FIG4: variants seen among roughly 807,000 people sequenced by gnomAD.
FIG4 encodes polyphosphoinositide phosphatase.
A neutral mutation model predicts 118.6 loss-of-function variants in FIG4; 112 were observed. The ratio of observed to expected loss-of-function variants is 0.94; its 90% CI spans 0.81 to 1.11. The LOEUF (loss-of-function observed/expected upper bound fraction) is 1.11. Ranked by LOEUF, FIG4 falls within the 50% of genes least tolerant of loss-of-function variation. FIG4 has a pLI of 0.00. For missense variants in FIG4, 969 were observed against 1,111.7 expected, an observed-to-expected ratio of 0.87 and a Z score of 1.83; for synonymous variants, 369 against 381.2, an observed-to-expected ratio of 0.97 and a Z score of 0.37.
chr6:109,789,482 T>C (rs1355869240), intron 18 of FIG4, 112 bp from the exon 19 acceptor site: 1 of 803,504 alleles, frequency 1.2e-6, no homozygotes, highest in East Asian at 2.6e-5. Flanking sequence ...ATATGTAATA[T>C]GTAACTCCTA....
At chr6:109,815,231 TG>T (rs1778827946) in intron 22 of FIG4, among the ~76,000 whole-genome samples, 1 of 151,984 alleles carries the variant, frequency 6.6e-6, no homozygotes, top group Non-Finnish European at 1.5e-5. Flanking sequence ...TTCCCAGACA[TG>T]AACGCCCTTC....
Position 109,716,562 on chromosome 6 carries a change from G to A in FIG4, c.283G>A (p.Val95Ile), listed in dbSNP as rs1309571996. Reference sequence around the variant, plus strand: ...ATTTCGAGCGGTTTCAGCTTTTGGTGTTGTGGGTAAGAAATCTGCCCCCCT... The same window carrying A: ...ATTTCGAGCGGTTTCAGCTTTTGGTATTGTGGGTAAGAAATCTGCCCCCCT... ...GLFRAVSAFG[V>I]VGFVRFLEGY... Residue 95 changes from valine to isoleucine, a missense_variant, in exon 3 of 23, where the codon GTT (valine) becomes ATT (isoleucine). By Grantham distance (29) the Val-to-Ile change is conservative (BLOSUM62 3). This residue lies in a region of FIG4 where 393 missense variants were observed against 409.4 expected (regional missense o/e 0.96). Transcript: ENST00000230124. 10 of 1,613,782 alleles carry A rather than the reference G, an allele frequency of 6.2e-6. No homozygotes were observed. The highest frequency in any genetic ancestry group is 1.1e-5 in the South Asian group (1 of 91,070).
intron 17 of FIG4, 141 bp from the exon 18 acceptor site, chr6:109,786,161 G>A: frequency 3.0e-6 from 2 of 669,036 alleles, no homozygotes. Context: ...GTAAGTGTTG[G>A]AGGCAGGAGC....
intron 10 of FIG4, among the ~76,000 whole-genome samples, chr6:109,750,074 A>G (rs1220619176): frequency 6.6e-6 from 1 of 152,212 alleles, no homozygotes; most frequent in Non-Finnish European, 1.5e-5. Context: ...CCTAGGGGAT[A>G]CTCACTCTTT....
intron 12 of FIG4, among the ~76,000 whole-genome samples, chr6:109,763,322 T>C (rs1023410452): frequency 4.6e-5 from 7 of 152,270 alleles, no homozygotes; most frequent in Non-Finnish European, 1.5e-5. Flanking sequence ...TTTCTAAGGA[T>C]AGCAGTTAGG....
intron 11 of FIG4, among the ~76,000 whole-genome samples, chr6:109,760,922 G>A (rs1008734839): frequency 3.9e-5 from 6 of 152,288 alleles, no homozygotes; most frequent in Admixed American, 2.6e-4. Flanking sequence ...TCCCTGGGAT[G>A]CTTTCCCACC....
At chr6:109,695,864 G>A (rs1414059641) in intron 1 of FIG4, among the ~76,000 whole-genome samples, 2 of 152,204 alleles carry the variant, frequency 1.3e-5, no homozygotes, top group Non-Finnish European at 2.9e-5. Flanking sequence ...GAGCCATCAA[G>A]TGGAAAGTTT....
chr6:109,822,509 T>C (rs1401939300), intron 22 of FIG4, among the ~76,000 whole-genome samples: 1 of 152,086 alleles, frequency 6.6e-6, no homozygotes, highest in Non-Finnish European at 1.5e-5. Flanking sequence ...TAGCAGCCTC[T>C]AAATCTCTAT....
chr6:109,794,324 G>A (rs1778218194), intron 21 of FIG4, among the ~76,000 whole-genome samples: 3 of 152,174 alleles, frequency 2.0e-5, no homozygotes, highest in African/African-American at 7.2e-5. Context: ...GGTACCGTGG[G>A]ATTTTAGGCT....
At position 109,786,392 on chromosome 6, in the gene FIG4, CAT is replaced by C; in HGVS notation, c.2042_2043del (p.Tyr681Ter). 2 of 1,613,966 alleles carry C rather than the reference CAT, an allele frequency of 1.2e-6. No individual in the cohort carries two copies. The highest frequency in any genetic ancestry group is 1.7e-6 in the Non-Finnish European group (2 of 1,179,874). ...GATATCCACAATGAGTTCTTTCGGC[CAT>C]ATGAGTTGAGCAGCTTTGATGATAC... On this transcript the variant is annotated frameshift_variant, in exon 18 of 23. Coordinates refer to ENST00000230124, the MANE Select transcript of FIG4 (RefSeq NM_014845.6). LOFTEE classifies it high-confidence loss of function.
At chr6:109,804,678 T>G (rs1055739903) in intron 22 of FIG4, among the ~76,000 whole-genome samples, 4 of 152,162 alleles carry the variant, frequency 2.6e-5, no homozygotes, top group Non-Finnish European at 5.9e-5. Flanking sequence ...TAGGGTCTTA[T>G]GAAGAAATTT....
At chr6:109,756,004 G>A (rs1236109781) in intron 10 of FIG4, among the ~76,000 whole-genome samples, 4 of 152,102 alleles carry the variant, frequency 2.6e-5, no homozygotes, top group Admixed American at 6.6e-5. Flanking sequence ...TATTTTGCTC[G>A]TTAGTTGATG....
intron 7 of FIG4, among the ~76,000 whole-genome samples, chr6:109,739,608 C>T (rs1464877680): frequency 6.6e-6 from 1 of 152,134 alleles, no homozygotes; most frequent in Non-Finnish European, 1.5e-5. Context: ...ACATCTTTCT[C>T]CAGATCCCCA....
chr6:109,717,971 G>T (rs1470883369), intron 3 of FIG4, among the ~76,000 whole-genome samples: 2 of 152,160 alleles, frequency 1.3e-5, no homozygotes, highest in Non-Finnish European at 2.9e-5. Context: ...TTGCTATAAA[G>T]AAATACCTGA....
Position 109,725,350 on chromosome 6 carries a change from G to A in FIG4, c.290-1759G>A, listed in dbSNP as rs141228802. On this transcript the variant is annotated intron_variant, in intron 3 of 22. Transcript: ENST00000230124. ...CTCCCACTTATGAGTGAGAACATGC[G>A]GTATTTGGTTTTCTGTTCCTGTGTC... Among the ~76,000 whole-genome samples, 160 of 152,128 alleles carry A rather than the reference G, an allele frequency of 1.1e-3. 2 individuals carry two copies. Among genetic ancestry groups the A allele is most frequent in the African/African-American group, 3.4e-3 (143 of 41,506 alleles).
chr6:109,719,700 G>T (rs558420580), intron 3 of FIG4, among the ~76,000 whole-genome samples: 1 of 152,180 alleles, frequency 6.6e-6, no homozygotes, highest in South Asian at 2.1e-4. Flanking sequence ...AGCCTGAACT[G>T]TGTTTAAAAA....
chr6:109,771,257 T>TA (rs762303459), intron 15 of FIG4, among the ~76,000 whole-genome samples: 106 of 152,212 alleles, frequency 7.0e-4, no homozygotes, highest in Non-Finnish European at 1.1e-3. Context: ...TGTAATTTAT[T>TA]ACTCTTAAAC....
chr6:109,710,311 G>A (rs1431030411), intron 1 of FIG4, among the ~76,000 whole-genome samples: 3 of 152,202 alleles, frequency 2.0e-5, no homozygotes, highest in Non-Finnish European at 4.4e-5. Flanking sequence ...AAGCCTACTT[G>A]ATCGTAGTGG....
At chr6:109,819,272 A>C (rs1583777894) in intron 22 of FIG4, among the ~76,000 whole-genome samples, 1 of 152,212 alleles carries the variant, frequency 6.6e-6, no homozygotes, top group African/African-American at 2.4e-5. Context: ...ACCTCATCCC[A>C]CTAGGCAACA....
Sources: allele counts gnomAD v4.1 joint callset (sites outside exome capture counted in the v4.1 genomes callset), GRCh38; gene constraint gnomAD v4.1.1; regional missense constraint gnomAD v4.1.1; transcripts MANE v1.5; gene names NCBI Gene and HGNC (gene_info 2026-07-23, HGNC 2026-07-21).